Variants in GALNT14 observed in about 807,000 individuals in gnomAD.
GALNT14 encodes UDP-GalNAc:polypeptide N-acetylgalactosaminyltransferase 14.
GALNT14 carries 60 observed loss-of-function variants against 77.5 expected under a neutral mutation model. The ratio of observed to expected loss-of-function variants is 0.77; its 90% CI spans 0.63 to 0.96. GALNT14 has a LOEUF of 0.96. GALNT14 is among the 40% of genes least tolerant of loss of function. GALNT14 has a pLI of 0.00. For synonymous variants in GALNT14, 280 were observed against 281.7 expected (o/e 0.99, Z 0.06); for missense variants, 710 against 731.0 (o/e 0.97, Z 0.33).
At chr2:30,960,550 G>T (rs1667631357) in intron 3 of GALNT14, among the ~76,000 whole-genome samples, 1 of 152,146 alleles carries the variant, frequency 6.6e-6, no homozygotes, top group Non-Finnish European at 1.5e-5. Flanking sequence ...GTAACACCTG[G>T]CTTGTTTTTG....
At chr2:30,931,504 A>C (rs908481071) in intron 10 of GALNT14, among the ~76,000 whole-genome samples, 6 of 152,188 alleles carry the variant, frequency 3.9e-5, no homozygotes, top group Non-Finnish European at 8.8e-5. Context: ...TCTGAGTCCC[A>C]GTAAGAACCA....
intron 1 of GALNT14, among the ~76,000 whole-genome samples, chr2:31,130,933 T>C (rs773598007): frequency 1.3e-5 from 2 of 152,210 alleles, no homozygotes; most frequent in African/African-American, 2.4e-5. Context: ...GTAAAATAAT[T>C]AAAAGTAATA....
chr2:30,944,966 T>C, intron 7 of GALNT14, 24 bp from the exon 8 acceptor site: 1 of 1,575,846 alleles, frequency 6.3e-7, no homozygotes, highest in Non-Finnish European at 8.6e-7. Flanking sequence ...CCAACCCACC[T>C]GCTTTGGTCT....
chr2:31,027,395 C>T (rs1672129999), intron 1 of GALNT14, among the ~76,000 whole-genome samples: 1 of 116,558 alleles, frequency 8.6e-6, no homozygotes, highest in African/African-American at 3.3e-5. Context: ...CCAGCCTAGG[C>T]AACAAGAGCA....
chr2:30,910,798 A>G lies in GALNT14; in HGVS notation c.*103T>C. On this transcript the variant is annotated 3_prime_UTR_variant, in exon 15 of 15. Coordinates refer to ENST00000349752, the MANE Select transcript of GALNT14 (RefSeq NM_024572.4). ...GGGCTCTGCCTCCACCTCCCAGTCC[A>G]GGATGTCTGAGGTGGTTGCAGGCTG... 7.8e-7 allele frequency: 1 copy of G among 1,287,318 alleles called. No homozygotes were observed. Among genetic ancestry groups the G allele is most frequent in the East Asian group, 2.4e-5 (1 of 42,482 alleles). 79.7% of individuals were successfully genotyped at this position (1,287,318 alleles called of 1,614,324 possible).
intron 1 of GALNT14, among the ~76,000 whole-genome samples, chr2:31,131,354 C>T (rs890297549): frequency 6.6e-6 from 1 of 152,106 alleles, no homozygotes; most frequent in Non-Finnish European, 1.5e-5. Flanking sequence ...GTAGAGGGCA[C>T]GGGCATGTCC....
chr2:30,900,213 T>G, the GALNT14 span, among the ~76,000 whole-genome samples: 2 of 152,206 alleles, frequency 1.3e-5, no homozygotes, highest in Admixed American at 6.5e-5. Context: ...CCTCAACCCT[T>G]CCATCACCAT....
At chr2:31,134,641 A>G (rs1679146145) in intron 1 of GALNT14, among the ~76,000 whole-genome samples, 1 of 152,198 alleles carries the variant, frequency 6.6e-6, no homozygotes, top group East Asian at 1.9e-4. Flanking sequence ...TTCCAAGGGC[A>G]GGGGTGATGT....
intron 1 of GALNT14, among the ~76,000 whole-genome samples, chr2:31,020,045 T>C (rs183181973): frequency 6.2e-4 from 94 of 152,250 alleles, no homozygotes; most frequent in African/African-American, 2.3e-3. Context: ...ACTTTCCACA[T>C]GGCCAGCCCC....
At chr2:30,916,895 G>A (rs1285379501) in intron 13 of GALNT14, among the ~76,000 whole-genome samples, 3 of 151,850 alleles carry the variant, frequency 2.0e-5, no homozygotes, top group Non-Finnish European at 4.4e-5. Flanking sequence ...TGGCCAATAT[G>A]GTGAAACCCC....
intron 1 of GALNT14, among the ~76,000 whole-genome samples, chr2:31,122,903 C>T (rs1296532378): frequency 3.9e-5 from 6 of 152,138 alleles, no homozygotes; most frequent in Non-Finnish European, 8.8e-5. Flanking sequence ...TTTATTGGGC[C>T]GGGTGCTGTG....
At chr2:31,086,853 AG>A (rs1676454938) in intron 1 of GALNT14, among the ~76,000 whole-genome samples, 1 of 152,212 alleles carries the variant, frequency 6.6e-6, no homozygotes, top group Non-Finnish European at 1.5e-5. Context: ...ACAACCTCCA[AG>A]GGTCTTTCAA....
intron 1 of GALNT14, among the ~76,000 whole-genome samples, chr2:31,087,671 A>C (rs186585272): frequency 6.6e-6 from 1 of 152,306 alleles, no homozygotes; most frequent in Admixed American, 6.5e-5. Context: ...AAAGGAATTC[A>C]AGAAGGAGGG....
chr2:31,114,255 T>A (rs1305633177), intron 1 of GALNT14, among the ~76,000 whole-genome samples: 1 of 150,184 alleles, frequency 6.7e-6, no homozygotes, highest in Non-Finnish European at 1.5e-5. Context: ...AGGCAGCTGG[T>A]CCTAAGCTGC....
chr2:30,965,109 G>T (rs949856439), intron 3 of GALNT14, among the ~76,000 whole-genome samples: 1 of 152,080 alleles, frequency 6.6e-6, no homozygotes. Context: ...CGTGGCTGTG[G>T]CATTCCTGGC....
intron 1 of GALNT14, among the ~76,000 whole-genome samples, chr2:31,090,713 C>T (rs1676689050): frequency 6.6e-6 from 1 of 151,848 alleles, no homozygotes; most frequent in Non-Finnish European, 1.5e-5. Context: ...AACTCCTGAC[C>T]TCAGGTGATC....
chr2:30,946,242 T>G (rs1433196751), intron 6 of GALNT14, among the ~76,000 whole-genome samples: 1 of 152,074 alleles, frequency 6.6e-6, no homozygotes, highest in Non-Finnish European at 1.5e-5. Flanking sequence ...GCAGAGGACA[T>G]AGTTAGCTGG....
At chr2:30,997,654 C>T (rs187888059) in intron 1 of GALNT14, among the ~76,000 whole-genome samples, 29 of 152,188 alleles carry the variant, frequency 1.9e-4, no homozygotes, top group East Asian at 3.9e-4. Context: ...AAGTATGATG[C>T]CACAAACAGA....
intron 1 of GALNT14, among the ~76,000 whole-genome samples, chr2:31,100,420 G>A (rs955232912): frequency 6.6e-6 from 1 of 152,026 alleles, no homozygotes; most frequent in Non-Finnish European, 1.5e-5. Flanking sequence ...ATTGCACATT[G>A]TTAGTTTATG....
Sources: gnomAD v4.1 joint callset for allele counts (sites outside exome capture counted in the v4.1 genomes callset) on GRCh38, gnomAD v4.1.1 for gene constraint, MANE v1.5 for transcripts, NCBI Gene and HGNC (gene_info 2026-07-23, HGNC 2026-07-21) for gene names.